Variants in HORMAD2 observed in about 807,000 individuals in gnomAD.
HORMAD2 encodes HORMA domain-containing protein 2.
HORMAD2 carries 45 observed loss-of-function variants against 38.8 expected under a neutral mutation model. That is an observed-to-expected ratio of 1.16 (90% CI 0.91 to 1.49). The LOEUF (loss-of-function observed/expected upper bound fraction) is 1.49, where lower values mean the gene tolerates loss of function less well. HORMAD2 is among the 40% of genes most tolerant of loss of function. The pLI is 0.00. For synonymous variants in HORMAD2, 126 were observed against 122.8 expected (o/e 1.03, Z -0.17); for missense variants, 338 against 367.0 (o/e 0.92, Z 0.65).
the HORMAD2 span, among the ~76,000 whole-genome samples, chr22:30,185,550 A>G: frequency 1.3e-5 from 2 of 152,220 alleles, no homozygotes; most frequent in Admixed American, 6.5e-5. Context: ...ATAACTTACT[A>G]TTGTTTAGAT....
chr22:30,127,587 C>T (rs866905681), intron 10 of HORMAD2, among the ~76,000 whole-genome samples: 2 of 152,224 alleles, frequency 1.3e-5, no homozygotes, highest in Admixed American at 1.3e-4. Context: ...AAGCCATCTG[C>T]TGGCCTTGGC....
chr22:30,200,716 A>T, the HORMAD2 span, among the ~76,000 whole-genome samples: 1 of 144,864 alleles, frequency 6.9e-6, no homozygotes, highest in Non-Finnish European at 1.5e-5. Context: ...TGAGTGGCTT[A>T]AAAACAACAG....
chr22:30,154,487 A>G (rs564440907), intron 10 of HORMAD2, among the ~76,000 whole-genome samples: 1 of 152,306 alleles, frequency 6.6e-6, no homozygotes, highest in South Asian at 2.1e-4. Flanking sequence ...AAACTGAGGA[A>G]TCAGCTTTGA....
chr22:30,150,254 T>C (rs903926938), intron 10 of HORMAD2, among the ~76,000 whole-genome samples: 2 of 152,164 alleles, frequency 1.3e-5, no homozygotes, highest in Non-Finnish European at 2.9e-5. Flanking sequence ...CTTTGTTGTG[T>C]TCTTGGGGAG....
At chr22:30,082,961 G>T (rs535817490) in intron 1 of HORMAD2, among the ~76,000 whole-genome samples, 34 of 152,190 alleles carry the variant, frequency 2.2e-4, no homozygotes, top group African/African-American at 8.2e-4. Flanking sequence ...TTGTCACAAA[G>T]TAGACATATC....
chr22:30,106,172 G>A (rs776139135), intron 5 of HORMAD2, among the ~76,000 whole-genome samples: 2 of 151,922 alleles, frequency 1.3e-5, no homozygotes, highest in East Asian at 1.9e-4. Context: ...CACCACACTC[G>A]GCTAATTTTT....
At chr22:30,114,632 A>G (rs1921906497) in intron 7 of HORMAD2, among the ~76,000 whole-genome samples, 1 of 152,256 alleles carries the variant, frequency 6.6e-6, no homozygotes, top group Non-Finnish European at 1.5e-5. Context: ...ACAAACAATA[A>G]CAATGTTTAT....
chr22:30,201,812 T>G, the HORMAD2 span, among the ~76,000 whole-genome samples: 1 of 152,104 alleles, frequency 6.6e-6, no homozygotes, highest in East Asian at 1.9e-4. Flanking sequence ...GTGGTCCAGC[T>G]CATGAACCAT....
intron 10 of HORMAD2, among the ~76,000 whole-genome samples, chr22:30,130,617 G>A (rs551798161): frequency 1.5e-5 from 2 of 134,386 alleles, no homozygotes; most frequent in African/African-American, 2.8e-5. Context: ...TTGAGACAGG[G>A]TCTCACTCTG....
chr22:30,163,427 C>G (rs913462571), intron 10 of HORMAD2, among the ~76,000 whole-genome samples: 1 of 151,832 alleles, frequency 6.6e-6, no homozygotes, highest in African/African-American at 2.4e-5. Context: ...ATTTTCTTTT[C>G]TTTTTTTGTT....
At chr22:30,158,006 CAT>C (rs985013775) in intron 10 of HORMAD2, among the ~76,000 whole-genome samples, 12 of 151,932 alleles carry the variant, frequency 7.9e-5, no homozygotes, top group African/African-American at 2.9e-4. Flanking sequence ...TATATTAACA[CAT>C]ATGTAATATT....
At chr22:30,080,327 C>T (rs1044120624), upstream of HORMAD2, 2 of 152,260 alleles carry the variant, frequency 1.3e-5, no homozygotes, top group Non-Finnish European at 2.9e-5. Context: ...TGAAGTCTAG[C>T]GAGGCCGGTC....
intron 10 of HORMAD2, among the ~76,000 whole-genome samples, chr22:30,124,864 C>G (rs1339059008): frequency 6.6e-6 from 1 of 152,044 alleles, no homozygotes; most frequent in African/African-American, 2.4e-5. Context: ...CCAAAGTGGT[C>G]GTACCAACTT....
chr22:30,088,162 T>C (rs573694898), intron 1 of HORMAD2, among the ~76,000 whole-genome samples: 18 of 141,436 alleles, frequency 1.3e-4, no homozygotes, highest in African/African-American at 4.5e-4. Context: ...TATACACGTA[T>C]ACCTATGTAT....
the HORMAD2 span, among the ~76,000 whole-genome samples, chr22:30,187,820 T>A: frequency 6.6e-6 from 1 of 152,116 alleles, no homozygotes; most frequent in African/African-American, 2.4e-5. Context: ...TACTGTGACT[T>A]TTTCCTTCAA....
the HORMAD2 span, among the ~76,000 whole-genome samples, chr22:30,189,541 T>C: frequency 6.6e-6 from 1 of 152,072 alleles, no homozygotes; most frequent in Non-Finnish European, 1.5e-5. Context: ...TAGTGACTAT[T>C]GTACATAGCC....
rs1667658979 is a variant in HORMAD2, at chr22:30,120,629, CA to C, written c.411-1002del. Among the ~76,000 whole-genome samples, 3 of 150,844 alleles carry C rather than the reference CA, an allele frequency of 2.0e-5. No individual in the cohort carries two copies. The Admixed American group carries it at 2.0e-4, about 10-fold the overall frequency. The stretch of plus-strand genomic sequence containing the variant: ...GGTAATTTAGTCCAAATTGTTCATT[CA>C]TTCATTAATTCAACAAATGTTGATT... On this transcript the variant is annotated intron_variant, in intron 8 of 10. Coordinates refer to ENST00000336726, the MANE Select transcript of HORMAD2 (RefSeq NM_152510.4).
chr22:30,088,151 G>A (rs953996020), intron 1 of HORMAD2, among the ~76,000 whole-genome samples: 2 of 127,308 alleles, frequency 1.6e-5, no homozygotes, highest in African/African-American at 3.2e-5. Flanking sequence ...ATACACATAT[G>A]TATACACGTA....
intron 10 of HORMAD2, among the ~76,000 whole-genome samples, chr22:30,135,968 A>T (rs2146166270): frequency 6.6e-6 from 1 of 152,364 alleles, no homozygotes; most frequent in Non-Finnish European, 1.5e-5. Context: ...ACCAGTCAGT[A>T]GAGGCAAGCC....
Sources: allele counts gnomAD v4.1 joint callset (sites outside exome capture counted in the v4.1 genomes callset), GRCh38; gene constraint gnomAD v4.1.1; transcripts MANE v1.5; gene names NCBI Gene and HGNC (gene_info 2026-07-23, HGNC 2026-07-21).